PHKA1: variants seen among roughly 807,000 people sequenced by gnomAD.
The protein encoded by PHKA1 is phosphorylase kinase regulatory subunit alpha 1, also known as phosphorylase b kinase regulatory subunit alpha, skeletal muscle isoform.
Under a neutral mutation model 110.2 loss-of-function variants are expected in PHKA1, and 60 were observed. The observed-to-expected ratio is 0.54, with a 90% CI of 0.44 to 0.68. The LOEUF (loss-of-function observed/expected upper bound fraction) is 0.68, where lower values mean the gene tolerates loss of function less well. PHKA1 is among the 30% of genes least tolerant of loss of function. PHKA1 has a pLI of 0.00. For synonymous variants in PHKA1, 316 were observed against 333.6 expected (o/e 0.95, Z 0.58); for missense variants, 801 against 942.5 (o/e 0.85, Z 1.97).
intron 6 of PHKA1, among the ~76,000 whole-genome samples, chrX:72,668,353 G>A (rs782460156): frequency 2.3e-4 from 26 of 111,965 alleles, no homozygotes; most frequent in Non-Finnish European, 4.5e-4. Context: ...AAAAGAGTAT[G>A]AATAATTTTT....
intron 2 of PHKA1, chrX:72,709,363 A>G: frequency 9.3e-6 from 1 of 107,308 alleles, no homozygotes. Flanking sequence ...AAAAACATAC[A>G]TGTGCATAAT....
At chrX:72,631,192 T>C (rs1556287527) in intron 16 of PHKA1, among the ~76,000 whole-genome samples, 1 of 110,935 alleles carries the variant, frequency 9.0e-6, no homozygotes, top group Non-Finnish European at 1.9e-5. Context: ...TGCTAAGACT[T>C]ACATTCTACT....
chrX:72,678,927 C>T (rs1361165313), intron 5 of PHKA1, among the ~76,000 whole-genome samples: 2 of 111,639 alleles, frequency 1.8e-5, no homozygotes, highest in Non-Finnish European at 1.9e-5. Flanking sequence ...GAGGAAATGG[C>T]GCTAAGTACA....
chrX:72,626,877 A>G, intron 17 of PHKA1, 94 bp downstream of exon 17: 1 of 694,655 alleles, frequency 1.4e-6, no homozygotes, highest in Non-Finnish European at 2.3e-6. Flanking sequence ...AGGGGGGACT[A>G]TCATACACAG....
intron 25 of PHKA1, among the ~76,000 whole-genome samples, chrX:72,604,297 G>A (rs1172122204): frequency 9.0e-6 from 1 of 111,375 alleles, no homozygotes; most frequent in East Asian, 2.8e-4. Flanking sequence ...ACCTTCTTGA[G>A]TTTCAGTTTC....
At chrX:72,620,651 TAATC>T in intron 19 of PHKA1, 70 bp downstream of exon 19, 1 of 905,818 alleles carries the variant, frequency 1.1e-6, no homozygotes, top group Non-Finnish European at 1.6e-6. Flanking sequence ...GCTTACATTG[TAATC>T]AATGCCCGCC....
chrX:72,635,452 G>A (rs968461689), intron 15 of PHKA1, among the ~76,000 whole-genome samples, 153 bp from the exon 16 acceptor site: 2 of 111,727 alleles, frequency 1.8e-5, no homozygotes, highest in Admixed American at 9.5e-5. Flanking sequence ...AAGTATCTGG[G>A]GTTAACTGGC....
chrX:72,590,066 A>G (rs1392248547), intron 29 of PHKA1, among the ~76,000 whole-genome samples: 1 of 111,712 alleles, frequency 9.0e-6, no homozygotes, highest in Non-Finnish European at 1.9e-5. Flanking sequence ...CAGAATTGGA[A>G]AAAAACTACT....
At chrX:72,634,896 A>C (rs1310997210) in intron 16 of PHKA1, among the ~76,000 whole-genome samples, 1 of 111,988 alleles carries the variant, frequency 8.9e-6, no homozygotes, top group Non-Finnish European at 1.9e-5. Flanking sequence ...TTACTCTTGT[A>C]TGTTGATTTA....
chrX:72,680,374 A>G (rs1339643439), intron 5 of PHKA1, among the ~76,000 whole-genome samples: 6 of 112,633 alleles, frequency 5.3e-5, no homozygotes, highest in African/African-American at 1.9e-4. Flanking sequence ...CGGAACAAAC[A>G]TAAGGTTGAC....
chrX:72,644,286 T>G (rs1044203582), intron 14 of PHKA1, 76 bp downstream of exon 14: 9 of 1,056,948 alleles, frequency 8.5e-6, no homozygotes, highest in Non-Finnish European at 1.2e-5. Context: ...TACACAATCA[T>G]GAAGAAGAAA....
At chrX:72,602,118 C>T in intron 27 of PHKA1, 40 bp downstream of exon 27, 4 of 1,072,544 alleles carry the variant, frequency 3.7e-6, no homozygotes, top group Middle Eastern at 5.0e-4. Flanking sequence ...TGTTCTGAAA[C>T]ATGGCAATAT....
intron 12 of PHKA1, among the ~76,000 whole-genome samples, chrX:72,651,202 C>A (rs2053424836): frequency 9.0e-6 from 1 of 111,241 alleles, no homozygotes; most frequent in Non-Finnish European, 1.9e-5. Context: ...AGTTTCTGCC[C>A]TTTATGAAAT....
At chrX:72,635,321 G>C (rs1329290522) in intron 15 of PHKA1, 22 bp from the exon 16 acceptor site, 2 of 1,173,255 alleles carry the variant, frequency 1.7e-6, no homozygotes, top group Non-Finnish European at 2.3e-6. Context: ...AAAAATAATA[G>C]ATTAGATTAA....
At chrX:72,612,572 T>C (rs1335862936) in intron 21 of PHKA1, among the ~76,000 whole-genome samples, 2 of 112,242 alleles carry the variant, frequency 1.8e-5, no homozygotes, top group African/African-American at 6.5e-5. Flanking sequence ...TTTGTGATTG[T>C]GAATTCTGGC....
At position 72,667,399 on chromosome X, in the gene PHKA1, C is replaced by T; in HGVS notation, c.693G>A (p.Leu231=). The T allele has an allele frequency of 1.7e-6, 2 of 1,208,138 alleles. No homozygotes were observed. Among genetic ancestry groups the T allele is most frequent in the Non-Finnish European group, 2.2e-6 (2 of 892,389 alleles). Residue 231 remains leucine (L), a synonymous_variant, in exon 7 of 32, where the codon CTG becomes CTA. Transcript: ENST00000373542. The part of the protein sequence containing the change: ...KGGPQSVIHV[L]ADEVQHCQSI... ...CCTGGCAGTGCTGTACTTCATCAGC[C>T]AGGACATGGATAACTGATTGAGGCC...
rs181490917 is a variant in PHKA1, at chrX:72,666,140, T to C, written c.864+11A>G. On this transcript the variant is annotated intron_variant, in intron 8 of 31. Coordinates refer to ENST00000373542, the MANE Select transcript of PHKA1 (RefSeq NM_002637.4). Reference sequence around the variant, plus strand: ...CAGCCTTAAAGAAAACAAAGGTACATAGGGACATACCTGAAGCTTGGTGAT... The same window carrying C: ...CAGCCTTAAAGAAAACAAAGGTACACAGGGACATACCTGAAGCTTGGTGAT... The C allele has an allele frequency of 1.2e-3, 1,462 of 1,208,090 alleles. 1 individual carries two copies. Among genetic ancestry groups the C allele is most frequent in the Non-Finnish European group, 1.4e-3 (1,280 of 893,724 alleles).
At chrX:72,710,085 G>C (rs2054348592) in intron 2 of PHKA1, among the ~76,000 whole-genome samples, 1 of 105,163 alleles carries the variant, frequency 9.5e-6, no homozygotes, top group African/African-American at 3.5e-5. Flanking sequence ...AGTACAGTCA[G>C]AGTTTGGAAC....
At chrX:72,629,474 AC>A (rs2053133721) in intron 16 of PHKA1, among the ~76,000 whole-genome samples, 1 of 110,531 alleles carries the variant, frequency 9.0e-6, no homozygotes, top group African/African-American at 3.3e-5. Context: ...CACTTTTACT[AC>A]CTGTTTTTTT....
Sources: gnomAD v4.1 joint callset for allele counts (sites outside exome capture counted in the v4.1 genomes callset) on GRCh38, gnomAD v4.1.1 for gene constraint, MANE v1.5 for transcripts, NCBI Gene and HGNC (gene_info 2026-07-23, HGNC 2026-07-21) for gene names.